The following ANK1 variants were observed in gnomAD, a reference collection of about 807,000 sequenced individuals.
ANK1 encodes the protein ankyrin-1.
A neutral mutation model predicts 210.4 loss-of-function variants in ANK1; 51 were observed. The ratio of observed to expected loss-of-function variants is 0.24; its 90% CI spans 0.19 to 0.31. ANK1 has a LOEUF of 0.31. Ranked by LOEUF, ANK1 falls within the 10% of genes least tolerant of loss-of-function variation. The pLI, the probability that ANK1 is intolerant of heterozygous loss-of-function variation, is 1.00. For synonymous variants in ANK1, 967 were observed against 1,025.9 expected (o/e 0.94, Z 1.10); for missense variants, 2,051 against 2,504.4 (o/e 0.82, Z 3.86).
At chr8:41,791,159 C>CA (rs1210356363) in intron 1 of ANK1, among the ~76,000 whole-genome samples, 45 of 150,318 alleles carry the variant, frequency 3.0e-4, no homozygotes, top group Non-Finnish European at 5.9e-5. Context: ...TGGACCTGTG[C>CA]CAGCCTCTTT....
chr8:41,725,610 C>T (rs1402746892), intron 6 of ANK1, 151 bp downstream of exon 6: 2 of 1,047,270 alleles, frequency 1.9e-6, no homozygotes, highest in Admixed American at 2.4e-5. Context: ...TGTCCAGGGG[C>T]CCCTCTGCGT....
At position 41,715,080 on chromosome 8, in the gene ANK1, G is replaced by A. The variant is rs751217909; in HGVS notation, c.1603-6C>T. The A allele has an allele frequency of 1.2e-4, 195 of 1,613,988 alleles. 2 individuals are homozygous for A. In the Middle Eastern group the frequency reaches 2.2e-3, roughly 18 times the overall value. ...TGCAGAGGGGTAAATCCTTTCTGAG[G>A]AGAAACAGGCTGTCAGGACCTTGGG... On this transcript the variant is annotated splice_region_variant and splice_polypyrimidine_tract_variant and intron_variant, in intron 14 of 42. Coordinates refer to ENST00000289734, the MANE Select transcript of ANK1 (RefSeq NM_000037.4).
chr8:41,725,771 A>C lies in ANK1; in HGVS notation c.602T>G (p.Val201Gly). 1 of 1,610,530 alleles carries C rather than the reference A, an allele frequency of 6.2e-7. No individual in the cohort carries two copies. Among genetic ancestry groups the C allele is most frequent in the Non-Finnish European group, 8.5e-7 (1 of 1,179,658 alleles). ...CCTCCTCGCCCTCACCTTGGAAAGC[A>C]CGTCCGGGTTGGGGTCGTTCTGCAG... ...VLLQNDPNPD[V>G]LSKTGFTPLH... Residue 201 changes from valine to glycine, a missense_variant, in exon 6 of 43, where the codon GTG becomes GGG. Around this residue, in one of 6 missense-constraint regions of ANK1, gnomAD observed 1,413 missense variants for 1,707.4 expected, o/e 0.83. Coordinates refer to ENST00000289734, the MANE Select transcript of ANK1 (RefSeq NM_000037.4).
intron 37 of ANK1, among the ~76,000 whole-genome samples, chr8:41,674,615 A>T (rs7844136): frequency 0.03 from 4,531 of 152,320 alleles, 214 homozygotes; most frequent in African/African-American, 0.098. Context: ...ATTCAGTGGA[A>T]CTGCAATTGC....
intron 1 of ANK1, among the ~76,000 whole-genome samples, chr8:41,791,630 A>C (rs990077095): frequency 4.6e-5 from 7 of 152,014 alleles, no homozygotes; most frequent in African/African-American, 1.7e-4. Flanking sequence ...ATGGGGTTTC[A>C]CCACGTTGAC....
chr8:41,867,951 C>T (rs531878464), intron 1 of ANK1, among the ~76,000 whole-genome samples: 26 of 152,230 alleles, frequency 1.7e-4, no homozygotes. Flanking sequence ...CCTCCACCTC[C>T]CAGGTTCAAG....
intron 1 of ANK1, among the ~76,000 whole-genome samples, chr8:41,825,920 A>G (rs570515770): frequency 9.2e-5 from 14 of 152,322 alleles, no homozygotes; most frequent in African/African-American, 3.4e-4. Context: ...CTCCCCAGCC[A>G]TGTGGAACTG....
At chr8:41,673,580 G>T (rs935892218) in intron 37 of ANK1, among the ~76,000 whole-genome samples, 2 of 152,160 alleles carry the variant, frequency 1.3e-5, no homozygotes, top group African/African-American at 4.8e-5. Context: ...ACAGGGGAGG[G>T]CTCTTAGGGC....
At chr8:41,716,863 G>T in intron 13 of ANK1, 90 bp downstream of exon 13, 1 of 1,341,126 alleles carries the variant, frequency 7.5e-7, no homozygotes, top group South Asian at 1.2e-5. Flanking sequence ...CCACAGCACT[G>T]CAGCCCCGCC....
intron 42 of ANK1, among the ~76,000 whole-genome samples, chr8:41,658,897 T>TATGA (rs1806741535): frequency 6.7e-6 from 1 of 148,560 alleles, no homozygotes; most frequent in South Asian, 2.1e-4. Context: ...CCTCTCAAAA[T>TATGA]ATAAATAAAT....
Position 41,672,502 on chromosome 8 carries a change from G to A in ANK1, c.4948C>T (p.Leu1650=). ...QEEGQRSEEK[L]PGSKRQDDAT... is the part of the protein sequence containing the mutation. ...TCATCCTGCCTCTTAGAACCTGGCAGCTTCTCTTCTGACCTCTGACCTTCC... is the reference window on the plus strand; with the variant it reads ...TCATCCTGCCTCTTAGAACCTGGCAACTTCTCTTCTGACCTCTGACCTTCC... Residue 1650 remains leucine (L), a synonymous_variant, in exon 38 of 43, where the codon CTG becomes TTG. Transcript: ENST00000289734. 1 of 1,614,218 alleles carries A rather than the reference G, an allele frequency of 6.2e-7. No homozygotes were observed. Among genetic ancestry groups the A allele is most frequent in the Non-Finnish European group, 8.5e-7 (1 of 1,180,034 alleles).
chr8:41,838,840 G>A (rs1390626012), intron 1 of ANK1, among the ~76,000 whole-genome samples: 1 of 150,268 alleles, frequency 6.7e-6, no homozygotes, highest in Non-Finnish European at 1.5e-5. Context: ...ACTTTGGGAG[G>A]CCAAGGTGGG....
chr8:41,694,513 T>C lies in ANK1; in HGVS notation c.3327+79A>G. The C allele has an allele frequency of 1.5e-6, 2 of 1,369,308 alleles. No homozygotes were observed. The highest frequency in any genetic ancestry group is 2.0e-6 in the Non-Finnish European group (2 of 981,132). 84.8% of individuals were successfully genotyped at this position (1,369,308 alleles called of 1,614,324 possible). A position where few individuals can be genotyped will look rare whatever the true frequency, so the allele number is the denominator to read the frequency against. On this transcript the variant is annotated intron_variant, in intron 28 of 42. Transcript: ENST00000289734. The surrounding 1 kb of genome is among the most constrained non-coding windows in gnomAD (Gnocchi z 5.7). ...AGCACCAGACAAAAGTGTGGGGATG[T>C]CCTGGGGAAGAGGGTGGCCTTCCCG...
At chr8:41,799,912 G>T (rs912506854), upstream of ANK1, among the ~76,000 whole-genome samples, 1 of 152,116 alleles carries the variant, frequency 6.6e-6, no homozygotes, top group East Asian at 1.9e-4. Context: ...ATTCACCCCT[G>T]GAAGCAGCTG....
intron 1 of ANK1, among the ~76,000 whole-genome samples, chr8:41,827,985 C>A (rs115547324): frequency 0.012 from 1,737 of 150,782 alleles, 45 homozygotes; most frequent in African/African-American, 0.041. Flanking sequence ...CAACCCCCGA[C>A]ACACACACCC....
At chr8:41,768,312 C>T (rs974769725) in intron 1 of ANK1, among the ~76,000 whole-genome samples, 2 of 152,156 alleles carry the variant, frequency 1.3e-5, no homozygotes, top group Non-Finnish European at 2.9e-5. Context: ...GTATCATAAG[C>T]CGGCTTCTTG....
intron 26 of ANK1, 110 bp downstream of exon 26, chr8:41,696,253 G>T: frequency 7.9e-7 from 1 of 1,262,588 alleles, no homozygotes; most frequent in Non-Finnish European, 1.1e-6. Flanking sequence ...GGAAAAGTCA[G>T]GGAAAGGGGA....
chr8:41,896,057 G>C (rs1820459369), intron 1 of ANK1, among the ~76,000 whole-genome samples: 1 of 152,230 alleles, frequency 6.6e-6, no homozygotes, highest in African/African-American at 2.4e-5. Context: ...GCGCGGGCCT[G>C]CCGGGTGCTG....
chr8:41,807,948 G>A (rs922048482), intron 1 of ANK1, among the ~76,000 whole-genome samples: 8 of 149,406 alleles, frequency 5.4e-5, no homozygotes, highest in African/African-American at 2.0e-4. Context: ...AGGGGAAGAG[G>A]AGGAGGGGAA....
Sources: allele counts gnomAD v4.1 joint callset (sites outside exome capture counted in the v4.1 genomes callset), GRCh38; gene constraint gnomAD v4.1.1; regional missense constraint gnomAD v4.1.1; non-coding constraint Gnocchi (gnomAD v3.1); transcripts MANE v1.5; gene names NCBI Gene and HGNC (gene_info 2026-07-23, HGNC 2026-07-21).